The following SLC24A3 variants were observed in gnomAD, a reference collection of about 807,000 sequenced individuals.
SLC24A3 encodes the protein sodium/potassium/calcium exchanger 3.
In SLC24A3, 28 loss-of-function variants were observed where a neutral mutation model predicts 75.8. The ratio of observed to expected loss-of-function variants is 0.37; its 90% confidence interval spans 0.27 to 0.51. The LOEUF (loss-of-function observed/expected upper bound fraction) is 0.51. Ranked by LOEUF, SLC24A3 falls within the 20% of genes least tolerant of loss-of-function variation. The pLI, the probability that SLC24A3 is intolerant of heterozygous loss-of-function variation, is 0.94. For synonymous variants in SLC24A3, 372 were observed against 334.1 expected (o/e 1.11, Z -1.24); for missense variants, 663 against 847.8 (o/e 0.78, Z 2.71).
rs377645777 is a variant in SLC24A3 at position 19,685,182 on chromosome 20, A to G, written c.1145A>G (p.Glu382Gly). 2.4e-5 allele frequency: 38 copies of G among 1,614,082 alleles called. No individual in the cohort carries two copies. The highest frequency in any genetic ancestry group is 3.1e-5 in the Non-Finnish European group (36 of 1,180,040). Residue 382 changes from glutamate to glycine, a missense_variant, in exon 12 of 17, where the codon GAG becomes GGG. Around this residue, in one of 2 missense-constraint regions of SLC24A3, gnomAD observed 510 missense variants for 703.6 expected, o/e 0.72. Coordinates refer to ENST00000328041, the MANE Select transcript of SLC24A3 (RefSeq NM_020689.4). ...AIKIPIKHTV[E>G]NGTGPSSAPD... ...AAAATCCCAATTAAGCACACCGTGGAGAATGGGACAGGGCCCAGCAGTGCC... is the reference window on the plus strand; with the variant it reads ...AAAATCCCAATTAAGCACACCGTGGGGAATGGGACAGGGCCCAGCAGTGCC...
intron 2 of SLC24A3, among the ~76,000 whole-genome samples, chr20:19,351,757 G>A (rs1177427695): frequency 1.3e-5 from 2 of 152,148 alleles, no homozygotes; most frequent in Non-Finnish European, 2.9e-5. Context: ...GTTTGAAGCA[G>A]GCTGAACACA....
chr20:19,705,387 C>A (rs2032918164), intron 15 of SLC24A3, among the ~76,000 whole-genome samples: 1 of 152,122 alleles, frequency 6.6e-6, no homozygotes. Flanking sequence ...TCATGCTCAG[C>A]CACACTGGGC....
In SLC24A3 at chr20:19,670,319, C is replaced by T. The variant is rs184020914; in HGVS notation, c.714-3282C>T. On this transcript the variant is annotated intron_variant, in intron 8 of 16. Coordinates refer to ENST00000328041, the MANE Select transcript of SLC24A3 (RefSeq NM_020689.4). ...GGGGCGGCACAGAGGCCTCCTAGAG[C>T]CCACTGGGTTCAATGGGGAGGAAGC... 1.4e-4 allele frequency among the ~76,000 whole-genome samples: 21 copies of T among 152,244 alleles called. No individual in the cohort carries two copies. The East Asian group carries it at 3.5e-3, about 25-fold the overall frequency.
At chr20:19,402,747 A>C (rs1007695233) in intron 2 of SLC24A3, among the ~76,000 whole-genome samples, 2 of 152,194 alleles carry the variant, frequency 1.3e-5, no homozygotes, top group South Asian at 4.1e-4. Flanking sequence ...CTAGTTATAC[A>C]TTAGGAAAGA....
chr20:19,287,840 C>T (rs1379917851), intron 2 of SLC24A3, among the ~76,000 whole-genome samples: 4 of 152,228 alleles, frequency 2.6e-5, no homozygotes, highest in Admixed American at 2.6e-4. Flanking sequence ...TAAATCCCAA[C>T]TCCACCACTT....
At chr20:19,249,398 C>T (rs945322758) in intron 1 of SLC24A3, among the ~76,000 whole-genome samples, 1 of 152,194 alleles carries the variant, frequency 6.6e-6, no homozygotes, top group African/African-American at 2.4e-5. Flanking sequence ...TCCTTTTCCT[C>T]AAGACCACTT....
chr20:19,697,908 G>A (rs2032828920), intron 14 of SLC24A3, among the ~76,000 whole-genome samples: 1 of 152,124 alleles, frequency 6.6e-6, no homozygotes, highest in African/African-American at 2.4e-5. Flanking sequence ...CTGTATTAGT[G>A]CGTCTCACAT....
intron 12 of SLC24A3, among the ~76,000 whole-genome samples, chr20:19,688,135 C>G (rs2032701079): frequency 6.6e-6 from 1 of 152,264 alleles, no homozygotes; most frequent in East Asian, 1.9e-4. Context: ...CCCTTCTCAC[C>G]AGGGCTTCCT....
chr20:19,518,718 C>T (rs1267599937), intron 3 of SLC24A3, among the ~76,000 whole-genome samples: 1 of 152,224 alleles, frequency 6.6e-6, no homozygotes, highest in Non-Finnish European at 1.5e-5. Flanking sequence ...TGAGAGATTC[C>T]TGACCTCACC....
chr20:19,234,296 A>T (rs375895794), intron 1 of SLC24A3, among the ~76,000 whole-genome samples: 18 of 152,282 alleles, frequency 1.2e-4, no homozygotes, highest in African/African-American at 4.3e-4. Flanking sequence ...TGAGGATGAG[A>T]CCCAGGAAAG....
intron 2 of SLC24A3, among the ~76,000 whole-genome samples, chr20:19,491,079 A>C (rs1049523526): frequency 6.6e-6 from 1 of 152,220 alleles, no homozygotes; most frequent in Admixed American, 6.5e-5. Flanking sequence ...TATGGCAACA[A>C]CCATTTGAAG....
intron 2 of SLC24A3, among the ~76,000 whole-genome samples, chr20:19,460,735 A>G (rs140221518): frequency 6.6e-6 from 1 of 152,300 alleles, no homozygotes; most frequent in East Asian, 1.9e-4. Flanking sequence ...GTATGGAAGG[A>G]GAGACTGCAA....
At chr20:19,484,597 A>T (rs1247507886) in intron 2 of SLC24A3, among the ~76,000 whole-genome samples, 1 of 152,226 alleles carries the variant, frequency 6.6e-6, no homozygotes, top group East Asian at 1.9e-4. Context: ...ACAAAAAGGC[A>T]AATGCTATAT....
intron 2 of SLC24A3, among the ~76,000 whole-genome samples, chr20:19,396,171 C>T (rs1416450370): frequency 2.6e-5 from 4 of 152,124 alleles, no homozygotes; most frequent in East Asian, 1.9e-4. Context: ...CAAGTTAGCT[C>T]GCAAAGGTTG....
chr20:19,478,725 C>T (rs549835233), intron 2 of SLC24A3, among the ~76,000 whole-genome samples: 9 of 152,134 alleles, frequency 5.9e-5, no homozygotes, highest in Non-Finnish European at 1.2e-4. Flanking sequence ...CTTCTGTGTC[C>T]GATAGATAAG....
intron 2 of SLC24A3, among the ~76,000 whole-genome samples, chr20:19,429,212 A>T (rs1987061838): frequency 1.3e-5 from 2 of 152,240 alleles, no homozygotes; most frequent in South Asian, 4.1e-4. Flanking sequence ...ACCATCCTCC[A>T]CTATTCTCAC....
intron 2 of SLC24A3, among the ~76,000 whole-genome samples, chr20:19,458,217 G>C (rs968305777): frequency 5.9e-5 from 9 of 152,240 alleles, no homozygotes; most frequent in African/African-American, 2.2e-4. Flanking sequence ...ATGTTCATGT[G>C]TGTGTTTCCG....
At chr20:19,637,862 T>G (rs1308614970) in intron 6 of SLC24A3, among the ~76,000 whole-genome samples, 1 of 152,208 alleles carries the variant, frequency 6.6e-6, no homozygotes, top group Non-Finnish European at 1.5e-5. Context: ...AGGGGAAAGC[T>G]TCAAAGATAG....
chr20:19,469,101 G>A (rs1987819737), intron 2 of SLC24A3, among the ~76,000 whole-genome samples: 1 of 152,102 alleles, frequency 6.6e-6, no homozygotes, highest in African/African-American at 2.4e-5. Context: ...GGAAAAATGA[G>A]GTCACGGCTC....
Sources: allele counts gnomAD v4.1 joint callset (sites outside exome capture counted in the v4.1 genomes callset), GRCh38; gene constraint gnomAD v4.1.1; regional missense constraint gnomAD v4.1.1; transcripts MANE v1.5; gene names NCBI Gene and HGNC (gene_info 2026-07-23, HGNC 2026-07-21).